EYS: variants seen among roughly 807,000 people sequenced by gnomAD.
EYS encodes the protein EGF-like photoreceptor maintenance factor.
A neutral mutation model predicts 282.1 loss-of-function variants in EYS; 250 were observed. The ratio of observed to expected loss-of-function variants is 0.89; its 90% CI spans 0.80 to 0.98. The LOEUF is 0.98. EYS is among the 50% of genes least tolerant of loss of function. The pLI is 0.00. For synonymous variants in EYS, 1,355 were observed against 1,282.9 expected, an observed-to-expected ratio of 1.06 and a Z score of -1.20; for missense variants, 4,016 against 3,709.0, an observed-to-expected ratio of 1.08 and a Z score of -2.15.
At chr6:64,426,275 C>G (rs1437476920) in intron 28 of EYS, among the ~76,000 whole-genome samples, 2 of 152,148 alleles carry the variant, frequency 1.3e-5, no homozygotes, top group Non-Finnish European at 2.9e-5. Flanking sequence ...GTCCCAGAGT[C>G]ATAACTAACA....
intron 36 of EYS, among the ~76,000 whole-genome samples, chr6:63,852,610 G>T (rs544271981): frequency 6.6e-6 from 1 of 152,222 alleles, no homozygotes; most frequent in Non-Finnish European, 1.5e-5. Flanking sequence ...GAAGAAGAGG[G>T]TCTCCTCCCT....
rs1197105310 is a variant in EYS, at chr6:64,066,440, C to T, written c.6623G>A (p.Gly2208Glu). ...KQFLHLFLVE[G>E]RPSVKYGCGN... ...ACACCCATATTTAACTGATGGCCTT[C>T]CTTCCACAAGAAATAAATGAAGAAA... Residue 2208 changes from glycine to glutamate, a missense_variant, in exon 33 of 43, where the codon GGA (glycine) becomes GAA (glutamate). Physicochemically the swap from Gly to Glu is moderately conservative, Grantham distance 98 (BLOSUM62 -2). Transcript: ENST00000503581. 5 of 1,549,238 alleles carry T rather than the reference C, an allele frequency of 3.2e-6. No homozygotes were observed. The highest frequency in any genetic ancestry group is 1.2e-5 in the South Asian group (1 of 83,958).
At chr6:63,905,478 C>T (rs1323443767) in intron 35 of EYS, among the ~76,000 whole-genome samples, 3 of 151,586 alleles carry the variant, frequency 2.0e-5, no homozygotes, top group Admixed American at 6.6e-5. Context: ...TACAGGCGCC[C>T]GCCACCACGC....
At chr6:65,268,544 A>G (rs1361784818) in intron 12 of EYS, among the ~76,000 whole-genome samples, 2 of 152,134 alleles carry the variant, frequency 1.3e-5, no homozygotes, top group East Asian at 3.8e-4. Context: ...AGAGATCACA[A>G]GAGCAATTCC....
At chr6:64,524,818 A>T (rs1777867250) in intron 26 of EYS, among the ~76,000 whole-genome samples, 1 of 151,548 alleles carries the variant, frequency 6.6e-6, no homozygotes, top group African/African-American at 2.4e-5. Flanking sequence ...ATTCTGTTCC[A>T]TTGGTCTATG....
intron 12 of EYS, among the ~76,000 whole-genome samples, chr6:65,120,537 C>T (rs1014331359): frequency 4.7e-5 from 7 of 148,442 alleles, no homozygotes; most frequent in African/African-American, 1.7e-4. Context: ...GTGTCACACA[C>T]TTTAATGCAA....
At chr6:64,011,361 G>A (rs1030469656) in intron 33 of EYS, among the ~76,000 whole-genome samples, 2 of 152,008 alleles carry the variant, frequency 1.3e-5, no homozygotes, top group African/African-American at 2.4e-5. Flanking sequence ...GCCTTTGAAG[G>A]GACATGTACA....
chr6:65,226,335 G>C (rs1766625695), intron 12 of EYS, among the ~76,000 whole-genome samples: 2 of 151,540 alleles, frequency 1.3e-5, no homozygotes, highest in East Asian at 1.9e-4. Flanking sequence ...AAGGTGTAAG[G>C]CTCTTACACT....
intron 8 of EYS, among the ~76,000 whole-genome samples, chr6:65,378,841 A>G: frequency 6.6e-6 from 1 of 152,126 alleles, no homozygotes; most frequent in East Asian, 1.9e-4. Context: ...CAATGAGAAC[A>G]CATGGAGACA....
intron 13 of EYS, among the ~76,000 whole-genome samples, chr6:65,047,069 C>T (rs183386079): frequency 4.2e-4 from 64 of 151,786 alleles, no homozygotes; most frequent in Middle Eastern, 3.4e-3. Context: ...TCCTGTACAG[C>T]CTGCGGAACT....
intron 35 of EYS, among the ~76,000 whole-genome samples, chr6:63,906,758 A>G (rs1460285962): frequency 1.3e-5 from 2 of 152,198 alleles, no homozygotes; most frequent in Non-Finnish European, 2.9e-5. Context: ...ATTGAGAATG[A>G]TGAGGGTAAA....
At chr6:65,613,534 T>C (rs1177557839) in intron 2 of EYS, among the ~76,000 whole-genome samples, 2 of 151,834 alleles carry the variant, frequency 1.3e-5, no homozygotes, top group Non-Finnish European at 3.0e-5. Context: ...AAATATTCTG[T>C]GTGTGAGCAT....
At chr6:65,031,941 T>G (rs1389852476) in intron 13 of EYS, among the ~76,000 whole-genome samples, 1 of 151,588 alleles carries the variant, frequency 6.6e-6, no homozygotes, top group Non-Finnish European at 1.5e-5. Context: ...CCAAAATTGG[T>G]TTCTTGAAAA....
chr6:64,046,265 T>C (rs142389643), intron 33 of EYS, among the ~76,000 whole-genome samples: 95 of 152,046 alleles, frequency 6.2e-4, no homozygotes, highest in African/African-American at 2.2e-3. Context: ...CAGTGACAAT[T>C]TGAAGGGATC....
intron 22 of EYS, among the ~76,000 whole-genome samples, chr6:64,737,723 T>C (rs1772228135): frequency 6.6e-6 from 1 of 152,224 alleles, no homozygotes; most frequent in East Asian, 1.9e-4. Context: ...CACAGAATTC[T>C]TGTGGATCCA....
chr6:64,462,840 T>A (rs2150486349), intron 26 of EYS, among the ~76,000 whole-genome samples: 1 of 152,254 alleles, frequency 6.6e-6, no homozygotes, highest in Admixed American at 6.5e-5. Flanking sequence ...TTAACTGGAA[T>A]GCTAATTTTA....
rs552788629 is a variant in EYS, at chr6:64,978,539, G to A, written c.2259+19043C>T. Among the ~76,000 whole-genome samples the A allele has an allele frequency of 4.0e-5, 6 of 151,896 alleles. No homozygotes were observed. The South Asian group carries it at 6.2e-4, about 16-fold the overall frequency. On this transcript the variant is annotated intron_variant, in intron 14 of 42. Coordinates refer to ENST00000503581, the MANE Select transcript of EYS (RefSeq NM_001142800.2). ...AACATCCATTCTGTAGCCCATGAAT[G>A]AAAGAGTAATTTTGACTTTCAAGTC...
At chr6:65,232,251 A>G (rs946025093) in intron 12 of EYS, among the ~76,000 whole-genome samples, 1 of 151,986 alleles carries the variant, frequency 6.6e-6, no homozygotes, top group South Asian at 2.1e-4. Flanking sequence ...ATAATGTCCA[A>G]AATTAAAATA....
At chr6:64,390,486 A>T (rs369012712) in intron 28 of EYS, among the ~76,000 whole-genome samples, 9 of 151,600 alleles carry the variant, frequency 5.9e-5, no homozygotes, top group African/African-American at 1.7e-4. Flanking sequence ...GAGCAGCCTA[A>T]CTGGGAGGCA....
Sources: allele counts gnomAD v4.1 joint callset (sites outside exome capture counted in the v4.1 genomes callset), GRCh38; gene constraint gnomAD v4.1.1; transcripts MANE v1.5; gene names NCBI Gene and HGNC (gene_info 2026-07-23, HGNC 2026-07-21).